CHCHD3: variants seen among roughly 807,000 people sequenced by gnomAD.
The protein encoded by CHCHD3 is coiled-coil-helix-coiled-coil-helix domain containing 3, also known as MICOS complex subunit MIC19.
A neutral mutation model predicts 38.2 loss-of-function variants in CHCHD3; 20 were observed. The ratio of observed to expected loss-of-function variants is 0.52; its 90% CI spans 0.37 to 0.76. The LOEUF is 0.76. CHCHD3 is among the 30% of genes least tolerant of loss of function. The probability of loss-of-function intolerance (pLI) is 0.00; values close to 1 mark genes in which losing one functional copy is unlikely to be tolerated. For missense variants in CHCHD3, 245 were observed against 279.2 expected (o/e 0.88, Z 0.87); for synonymous variants, 82 against 100.0 (o/e 0.82, Z 1.07).
chr7:133,082,061 C>T lies in CHCHD3; in HGVS notation c.-124G>A, dbSNP rs1198063673. ...CGCACAGCGGGAGCAAGGCCACGAC[C>T]CCCAGAAGCAAGGAGAAGGCGCCGG... is the stretch of plus-strand genomic sequence containing the variant. On this transcript the variant is annotated 5_prime_UTR_variant, in exon 1 of 8. Transcript: ENST00000262570. 3.4e-6 allele frequency: 3 copies of T among 878,692 alleles called. No individual in the cohort carries two copies. The highest frequency in any genetic ancestry group is 5.0e-6 in the Non-Finnish European group (3 of 594,268). 54.4% of individuals were successfully genotyped at this position (878,692 alleles called of 1,614,324 possible).
chr7:133,033,909 GA>G (rs1433727087), intron 2 of CHCHD3, among the ~76,000 whole-genome samples: 1 of 151,348 alleles, frequency 6.6e-6, no homozygotes, highest in Non-Finnish European at 1.5e-5. Context: ...AATAGAAATG[GA>G]AAAGGTGGGT....
chr7:132,985,216 C>CG (rs1562929647), intron 3 of CHCHD3, among the ~76,000 whole-genome samples: 1 of 79,802 alleles, frequency 1.3e-5, no homozygotes, highest in Non-Finnish European at 2.5e-5. Flanking sequence ...GTTAGCCCCC[C>CG]GCCCGGCCAG....
At chr7:133,021,374 G>C (rs948610632) in intron 3 of CHCHD3, among the ~76,000 whole-genome samples, 39 of 152,128 alleles carry the variant, frequency 2.6e-4, no homozygotes, top group African/African-American at 8.9e-4. Context: ...CCCTCCTTAT[G>C]GAATGCTCAT....
chr7:133,018,899 T>TG (rs1482978077), intron 3 of CHCHD3, among the ~76,000 whole-genome samples: 60 of 147,848 alleles, frequency 4.1e-4, no homozygotes, highest in Admixed American at 8.1e-4. Flanking sequence ...TTTTTTTTTT[T>TG]TGAGACGGAG....
chr7:133,006,444 G>A (rs1482910653), intron 3 of CHCHD3, among the ~76,000 whole-genome samples: 1 of 151,700 alleles, frequency 6.6e-6, no homozygotes, highest in Non-Finnish European at 1.5e-5. Flanking sequence ...TCCAGCCTGG[G>A]CAACAGAGCA....
chr7:133,041,111 A>G (rs1478530362), intron 2 of CHCHD3, among the ~76,000 whole-genome samples: 1 of 152,170 alleles, frequency 6.6e-6, no homozygotes, highest in African/African-American at 2.4e-5. Context: ...CTGCCATGCC[A>G]TGTGTTTATG....
chr7:132,931,956 G>A (rs1363339160), intron 4 of CHCHD3, among the ~76,000 whole-genome samples: 1 of 152,126 alleles, frequency 6.6e-6, no homozygotes, highest in Non-Finnish European at 1.5e-5. Context: ...AGCCAGCTGT[G>A]AGTCAGAAAT....
At chr7:133,021,665 G>C (rs758503333) in intron 3 of CHCHD3, among the ~76,000 whole-genome samples, 9 of 152,248 alleles carry the variant, frequency 5.9e-5, no homozygotes, top group Non-Finnish European at 7.4e-5. Context: ...GTTTAAAATT[G>C]TACTACTTTT....
chr7:132,951,674 CGCTAA>C (rs1811039369), intron 4 of CHCHD3, among the ~76,000 whole-genome samples: 1 of 152,150 alleles, frequency 6.6e-6, no homozygotes, highest in Admixed American at 6.5e-5. Flanking sequence ...ATATCCCTGT[CGCTAA>C]GCTATAGGAC....
chr7:132,831,781 C>CTAATATTTCCAAA, intron 6 of CHCHD3, among the ~76,000 whole-genome samples: 1 of 152,080 alleles, frequency 6.6e-6, no homozygotes, highest in Non-Finnish European at 1.5e-5. Flanking sequence ...AATGAGGTTG[C>CTAATATTTCCAAA]ATTGACATTC....
intron 1 of CHCHD3, among the ~76,000 whole-genome samples, chr7:133,072,263 T>TA (rs34730303): frequency 2.0e-5 from 3 of 150,770 alleles, no homozygotes; most frequent in Admixed American, 6.6e-5. Context: ...TAATAAACTT[T>TA]AAAAAAAAAA....
At chr7:132,867,886 G>A (rs949995401) in intron 5 of CHCHD3, among the ~76,000 whole-genome samples, 1 of 152,126 alleles carries the variant, frequency 6.6e-6, no homozygotes, top group African/African-American at 2.4e-5. Flanking sequence ...TTTAACTGCA[G>A]AGTGGGTGTT....
intron 4 of CHCHD3, among the ~76,000 whole-genome samples, chr7:132,971,743 G>A (rs1009344512): frequency 6.6e-6 from 1 of 152,200 alleles, no homozygotes; most frequent in African/African-American, 2.4e-5. Flanking sequence ...TCACATGTGT[G>A]AAACACAATC....
At position 133,035,920 on chromosome 7, in the gene CHCHD3, T is replaced by C. The variant is rs1375720934; in HGVS notation, c.170-11293A>G. On this transcript the variant is annotated intron_variant, in intron 2 of 7. Transcript: ENST00000262570. The surrounding 1 kb of genome is among the most constrained non-coding windows in gnomAD (Gnocchi z 4.7). ...TACGTGTACAGGGTCCCAGCCGCCA[T>C]GGTGATTCCGCAAAGAAAGGCTGGA... 4.4e-6 allele frequency: 7 copies of C among 1,584,418 alleles called. No individual in the cohort carries two copies. Among genetic ancestry groups the C allele is most frequent in the Middle Eastern group, 1.7e-4 (1 of 6,034 alleles).
chr7:132,884,565 A>G (rs1416965795), intron 5 of CHCHD3, among the ~76,000 whole-genome samples: 2 of 152,178 alleles, frequency 1.3e-5, no homozygotes, highest in African/African-American at 4.8e-5. Flanking sequence ...TTTAACATAT[A>G]CATAACTGTA....
At chr7:132,820,704 A>G (rs1807352547) in intron 6 of CHCHD3, among the ~76,000 whole-genome samples, 1 of 145,100 alleles carries the variant, frequency 6.9e-6, no homozygotes, top group African/African-American at 2.6e-5. Flanking sequence ...GGACTAATCT[A>G]GACACTTAGC....
At chr7:132,825,550 C>T (rs1245205628) in intron 6 of CHCHD3, among the ~76,000 whole-genome samples, 1 of 152,228 alleles carries the variant, frequency 6.6e-6, no homozygotes, top group Non-Finnish European at 1.5e-5. Flanking sequence ...CTTCATTACA[C>T]TAGCGTCTTT....
intron 5 of CHCHD3, among the ~76,000 whole-genome samples, chr7:132,872,749 G>A (rs182978168): frequency 2.6e-4 from 40 of 152,302 alleles, no homozygotes; most frequent in African/African-American, 6.5e-4. Flanking sequence ...TTGAGAATCT[G>A]TTACTTGACT....
At chr7:133,055,507 A>C (rs1054992888) in intron 2 of CHCHD3, among the ~76,000 whole-genome samples, 21 of 142,832 alleles carry the variant, frequency 1.5e-4, no homozygotes, top group African/African-American at 5.1e-4. Flanking sequence ...TATTATAATT[A>C]ATTATAATAT....
Sources: allele counts gnomAD v4.1 joint callset (sites outside exome capture counted in the v4.1 genomes callset), GRCh38; gene constraint gnomAD v4.1.1; non-coding constraint Gnocchi (gnomAD v3.1); transcripts MANE v1.5; gene names NCBI Gene and HGNC (gene_info 2026-07-23, HGNC 2026-07-21).